Variants in USP15 observed in about 807,000 individuals in gnomAD.
USP15 encodes the protein ubiquitin carboxyl-terminal hydrolase 15.
USP15 carries 18 observed loss-of-function variants against 127.1 expected under a neutral mutation model. That is an observed-to-expected ratio of 0.14 (90% CI 0.10 to 0.21). USP15 has a LOEUF of 0.21. Ranked by LOEUF, USP15 falls within the 10% of genes least tolerant of loss-of-function variation. The pLI is 1.00. For synonymous variants in USP15, 364 were observed against 393.7 expected (o/e 0.92, Z 0.89); for missense variants, 805 against 1,159.9 (o/e 0.69, Z 4.44).
At chr12:62,341,421 A>C (rs1157290334) in intron 6 of USP15, among the ~76,000 whole-genome samples, 1 of 152,202 alleles carries the variant, frequency 6.6e-6, no homozygotes, top group Non-Finnish European at 1.5e-5. Context: ...TCCAGTCATC[A>C]TGATGCTAGC....
At chr12:62,273,548 C>G (rs1169204567) in intron 1 of USP15, among the ~76,000 whole-genome samples, 2 of 151,990 alleles carry the variant, frequency 1.3e-5, no homozygotes, top group Non-Finnish European at 2.9e-5. Context: ...GGTGCTTTTT[C>G]TATAGTAAAT....
intron 8 of USP15, among the ~76,000 whole-genome samples, chr12:62,372,168 C>G (rs1236401543): frequency 6.6e-6 from 1 of 152,010 alleles, no homozygotes; most frequent in African/African-American, 2.4e-5. Flanking sequence ...CCAAAGATTG[C>G]ACAGTAATTT....
intron 3 of USP15, among the ~76,000 whole-genome samples, chr12:62,310,669 A>G (rs958375941): frequency 6.6e-6 from 1 of 151,938 alleles, no homozygotes; most frequent in Non-Finnish European, 1.5e-5. Flanking sequence ...TTGCTATTGT[A>G]GATAGTGCTA....
At chr12:62,318,634 G>C (rs1468063560) in intron 4 of USP15, among the ~76,000 whole-genome samples, 1 of 151,932 alleles carries the variant, frequency 6.6e-6, no homozygotes, top group Non-Finnish European at 1.5e-5. Context: ...TATCTTTTAA[G>C]TTGATAGGTC....
chr12:62,391,473 C>T, intron 16 of USP15, 44 bp downstream of exon 16: 2 of 1,566,632 alleles, frequency 1.3e-6, no homozygotes, highest in Non-Finnish European at 1.7e-6. Flanking sequence ...ACAAGCCGAG[C>T]ATGTTATTTT....
chr12:62,391,794 A>C (rs186837495), intron 16 of USP15, 22 bp from the exon 17 acceptor site: 1 of 1,565,790 alleles, frequency 6.4e-7, no homozygotes, highest in South Asian at 1.2e-5. Context: ...ATTTTAAAGA[A>C]AAAATATGTT....
intron 5 of USP15, among the ~76,000 whole-genome samples, chr12:62,325,477 A>T (rs537292873): frequency 1.3e-5 from 2 of 152,234 alleles, no homozygotes; most frequent in South Asian, 4.1e-4. Flanking sequence ...AGTATGTTTA[A>T]CAACTGCAAA....
Position 62,410,021 on chromosome 12 carries a change from G to A in USP15, c.*5646G>A, listed in dbSNP as rs2068000200. On this transcript the variant is annotated 3_prime_UTR_variant, in exon 22 of 22. Transcript: ENST00000280377. ...TAAGTTTTAAGTAATTTAGACTAAT[G>A]TATTAAAGTGTTCACTTATGTCTAG... The A allele has an allele frequency of 6.6e-6, 1 of 152,044 alleles. No individual in the cohort carries two copies. The highest frequency in any genetic ancestry group is 1.5e-5 in the Non-Finnish European group (1 of 67,998). 9.4% of individuals were successfully genotyped at this position (152,044 alleles called of 1,614,324 possible). A position where few individuals can be genotyped will look rare whatever the true frequency, so the allele number is the denominator to read the frequency against.
chr12:62,337,938 C>G (rs1297817130), intron 6 of USP15, among the ~76,000 whole-genome samples: 1 of 152,146 alleles, frequency 6.6e-6, no homozygotes, highest in Non-Finnish European at 1.5e-5. Context: ...CTGCAATAAA[C>G]ATACATGTGC....
intron 6 of USP15, among the ~76,000 whole-genome samples, chr12:62,331,409 T>A (rs976468069): frequency 3.3e-5 from 5 of 152,208 alleles, no homozygotes; most frequent in Non-Finnish European, 7.3e-5. Context: ...GTAGGTGATG[T>A]TTATTGACAT....
In USP15 at chr12:62,381,542, A is replaced by T; in HGVS notation, c.968A>T (p.Gln323Leu). Reference sequence around the variant, plus strand: ...GAGTATTTCCTCAATGATAAGTATCAAGAAGAACTGAATTTTGACAATCCC... The same window carrying T: ...GAGTATTTCCTCAATGATAAGTATCTAGAAGAACTGAATTTTGACAATCCC... ...LTEYFLNDKY[Q>L]EELNFDNPLG... is the part of the protein sequence containing the mutation. Residue 323 changes from glutamine (Q) to leucine (L), a missense_variant, in exon 9 of 22, where the codon CAA becomes CTA. By Grantham distance (113) the Gln-to-Leu change is moderately radical. Coordinates refer to ENST00000280377, the MANE Select transcript of USP15 (RefSeq NM_001252078.2). 2 of 1,613,026 alleles carry T rather than the reference A, an allele frequency of 1.2e-6. No homozygotes were observed. The highest frequency in any genetic ancestry group is 1.7e-6 in the Non-Finnish European group (2 of 1,179,226).
chr12:62,289,830 A>AT (rs2063906341), intron 1 of USP15, among the ~76,000 whole-genome samples: 1 of 151,652 alleles, frequency 6.6e-6, no homozygotes, highest in African/African-American at 2.4e-5. Context: ...TCATTTAAAC[A>AT]TTTTTTAAAA....
chr12:62,358,583 G>A (rs1247192215), intron 8 of USP15, among the ~76,000 whole-genome samples: 2 of 152,068 alleles, frequency 1.3e-5, no homozygotes, highest in Non-Finnish European at 2.9e-5. Flanking sequence ...GGGCATGATG[G>A]TGGACACCTG....
intron 6 of USP15, among the ~76,000 whole-genome samples, chr12:62,346,044 T>C (rs1376000543): frequency 6.6e-6 from 1 of 152,144 alleles, no homozygotes; most frequent in Non-Finnish European, 1.5e-5. Flanking sequence ...TAACCACACG[T>C]AGTCGTTTCC....
chr12:62,289,927 C>T (rs924462793), intron 1 of USP15, among the ~76,000 whole-genome samples: 3 of 151,748 alleles, frequency 2.0e-5, no homozygotes, highest in Non-Finnish European at 4.4e-5. Context: ...TCAAGAATTC[C>T]CCCTTGGGAT....
chr12:62,383,696 A>G, intron 9 of USP15, 144 bp from the exon 10 acceptor site: 1 of 1,025,994 alleles, frequency 9.7e-7, no homozygotes, highest in Non-Finnish European at 1.4e-6. Context: ...ATGACCATGA[A>G]TTGATTTTGG....
chr12:62,306,357 G>A (rs2064483318), intron 3 of USP15, among the ~76,000 whole-genome samples: 1 of 152,136 alleles, frequency 6.6e-6, no homozygotes, highest in African/African-American at 2.4e-5. Flanking sequence ...ACAGTGAATA[G>A]AGGTTGTCAG....
intron 6 of USP15, among the ~76,000 whole-genome samples, chr12:62,334,926 G>T (rs1314612966): frequency 6.6e-6 from 1 of 152,086 alleles, no homozygotes; most frequent in African/African-American, 2.4e-5. Flanking sequence ...GTTTTTAGTT[G>T]AAACATATTG....
chr12:62,365,748 T>TC (rs1466313628), intron 8 of USP15, among the ~76,000 whole-genome samples: 1 of 152,176 alleles, frequency 6.6e-6, no homozygotes, highest in Non-Finnish European at 1.5e-5. Flanking sequence ...AAGGAAGGGG[T>TC]CCAGTTTCTG....
Sources: allele counts gnomAD v4.1 joint callset (sites outside exome capture counted in the v4.1 genomes callset), GRCh38; gene constraint gnomAD v4.1.1; transcripts MANE v1.5; gene names NCBI Gene and HGNC (gene_info 2026-07-23, HGNC 2026-07-21).